The following MCU variants were observed in gnomAD, a reference collection of about 807,000 sequenced individuals.
MCU encodes the protein calcium uniporter protein, mitochondrial.
In MCU, 12 loss-of-function variants were observed where a neutral mutation model predicts 45.2. The observed-to-expected ratio is 0.27, with a 90% CI of 0.17 to 0.43. The LOEUF (loss-of-function observed/expected upper bound fraction) is 0.43. Ranked by LOEUF, MCU falls within the 20% of genes least tolerant of loss-of-function variation. The pLI is 1.00. For synonymous variants in MCU, 160 were observed against 165.1 expected (o/e 0.97, Z 0.24); for missense variants, 324 against 436.7 (o/e 0.74, Z 2.30).
chr10:72,765,652 G>A (rs1421449510), intron 1 of MCU, among the ~76,000 whole-genome samples: 1 of 151,784 alleles, frequency 6.6e-6, no homozygotes, highest in African/African-American at 2.4e-5. Context: ...AATATAGCCA[G>A]GCATGGTGGC....
chr10:72,830,889 A>G (rs1421537124), intron 1 of MCU, among the ~76,000 whole-genome samples: 2 of 152,190 alleles, frequency 1.3e-5, no homozygotes, highest in East Asian at 3.8e-4. Context: ...CCGACCTCAG[A>G]CTTCTCCAAA....
chr10:72,745,108 G>T (rs1012402221), intron 1 of MCU, among the ~76,000 whole-genome samples: 1 of 151,940 alleles, frequency 6.6e-6, no homozygotes, highest in Non-Finnish European at 1.5e-5. Context: ...AACTCTCAAG[G>T]CTTATGGACA....
intron 4 of MCU, among the ~76,000 whole-genome samples, chr10:72,865,921 C>T (rs919280062): frequency 7.3e-5 from 11 of 151,686 alleles, no homozygotes; most frequent in African/African-American, 9.7e-5. Context: ...GGACTACAGG[C>T]GCCTGCCACC....
At chr10:72,705,984 A>C (rs866066183) in intron 1 of MCU, among the ~76,000 whole-genome samples, 10 of 151,724 alleles carry the variant, frequency 6.6e-5, no homozygotes, top group South Asian at 2.1e-4. Flanking sequence ...CTCTCTCTCA[A>C]AAAAAAAGGG....
chr10:72,710,806 C>T (rs1175341739), intron 1 of MCU, among the ~76,000 whole-genome samples: 1 of 151,140 alleles, frequency 6.6e-6, no homozygotes, highest in Non-Finnish European at 1.5e-5. Context: ...TGATGTTTAC[C>T]ATCCCATGAG....
chr10:72,729,360 C>T (rs760159373), intron 1 of MCU, among the ~76,000 whole-genome samples: 1 of 152,156 alleles, frequency 6.6e-6, no homozygotes, highest in Non-Finnish European at 1.5e-5. Context: ...ATCCCAGCTA[C>T]TTAGGAGGCT....
intron 1 of MCU, among the ~76,000 whole-genome samples, chr10:72,703,092 G>A (rs1048362603): frequency 1.3e-5 from 2 of 152,194 alleles, no homozygotes; most frequent in Non-Finnish European, 2.9e-5. Flanking sequence ...GGAGTAAGAT[G>A]TATTTGAGAA....
At chr10:72,739,858 G>T (rs920493111) in intron 1 of MCU, among the ~76,000 whole-genome samples, 2 of 151,774 alleles carry the variant, frequency 1.3e-5, no homozygotes, top group Non-Finnish European at 1.5e-5. Flanking sequence ...TGTATTTTTG[G>T]TAGAGACAGG....
At chr10:72,771,243 C>T (rs1843803492) in intron 1 of MCU, among the ~76,000 whole-genome samples, 1 of 152,092 alleles carries the variant, frequency 6.6e-6, no homozygotes, top group Non-Finnish European at 1.5e-5. Context: ...TGTTCCCCTC[C>T]CTGTGTCCAT....
chr10:72,778,241 A>T (rs573587137), intron 1 of MCU, among the ~76,000 whole-genome samples: 3 of 152,346 alleles, frequency 2.0e-5, no homozygotes, highest in South Asian at 4.1e-4. Context: ...TTAATGCAGC[A>T]ATATTCATAA....
chr10:72,841,010 A>G (rs2132844319), intron 2 of MCU, among the ~76,000 whole-genome samples: 1 of 152,344 alleles, frequency 6.6e-6, no homozygotes, highest in African/African-American at 2.4e-5. Flanking sequence ...AATTTATGTC[A>G]GATTTCAGAT....
chr10:72,733,558 T>TA (rs1300458351), intron 1 of MCU, among the ~76,000 whole-genome samples: 2 of 151,794 alleles, frequency 1.3e-5, no homozygotes, highest in Non-Finnish European at 2.9e-5. Context: ...CCCCCATGTC[T>TA]AAAAAAAGGG....
At chr10:72,811,907 A>G (rs975954605) in intron 1 of MCU, among the ~76,000 whole-genome samples, 3 of 152,166 alleles carry the variant, frequency 2.0e-5, no homozygotes, top group Non-Finnish European at 4.4e-5. Context: ...TATTACAGAT[A>G]TATTCAGAAA....
At chr10:72,830,134 A>G (rs1182076318) in intron 1 of MCU, among the ~76,000 whole-genome samples, 1 of 152,224 alleles carries the variant, frequency 6.6e-6, no homozygotes, top group African/African-American at 2.4e-5. Flanking sequence ...TCTTGCAGCT[A>G]TATACCAACC....
chr10:72,692,501 C>T, intron 1 of MCU, 200 bp downstream of exon 1: 1 of 942,372 alleles, frequency 1.1e-6, no homozygotes, highest in Non-Finnish European at 1.3e-6. Context: ...GGGAGGAAGC[C>T]GAGAGGAGGA....
intron 1 of MCU, among the ~76,000 whole-genome samples, chr10:72,818,460 A>G (rs1844658308): frequency 6.6e-6 from 1 of 152,164 alleles, no homozygotes; most frequent in African/African-American, 2.4e-5. Flanking sequence ...ACCAGTTTTT[A>G]TTTATTGCCA....
intron 1 of MCU, among the ~76,000 whole-genome samples, chr10:72,697,126 T>C (rs1166231396): frequency 2.0e-5 from 3 of 152,222 alleles, no homozygotes; most frequent in African/African-American, 7.2e-5. Context: ...TTTATTTATG[T>C]ATTTATTTTA....
intron 1 of MCU, among the ~76,000 whole-genome samples, chr10:72,816,481 G>C (rs555815234): frequency 7.2e-5 from 11 of 152,274 alleles, no homozygotes; most frequent in Non-Finnish European, 1.3e-4. Flanking sequence ...CAACAACAGT[G>C]ATTAAGACTA....
rs184712217 is a variant in MCU at position 72,827,146 on chromosome 10, T to C, written c.151-7213T>C. ...GTTAGAGTTTCTGTTCCCATGGAGTTTACATTCTGACTTTATTCCCTTACA... is the reference window on the plus strand; with the variant it reads ...GTTAGAGTTTCTGTTCCCATGGAGTCTACATTCTGACTTTATTCCCTTACA... On this transcript the variant is annotated intron_variant, in intron 1 of 7. Coordinates refer to ENST00000373053, the MANE Select transcript of MCU (RefSeq NM_138357.3). Among the ~76,000 whole-genome samples, 169 of 152,328 alleles carry C rather than the reference T, an allele frequency of 1.1e-3. 1 individual carries two copies. Among genetic ancestry groups the C allele is most frequent in the African/African-American group, 3.9e-3 (162 of 41,574 alleles).
Sources: gnomAD v4.1 joint callset for allele counts (sites outside exome capture counted in the v4.1 genomes callset) on GRCh38, gnomAD v4.1.1 for gene constraint, MANE v1.5 for transcripts, NCBI Gene and HGNC (gene_info 2026-07-23, HGNC 2026-07-21) for gene names.